The following EYS variants were observed in gnomAD, a reference collection of about 807,000 sequenced individuals.
EYS encodes protein eyes shut homolog.
In EYS, 250 loss-of-function variants were observed where a neutral mutation model predicts 282.1. The observed-to-expected ratio is 0.89, with a 90% CI of 0.80 to 0.98. The LOEUF is 0.98. Ranked by LOEUF, EYS falls within the 50% of genes least tolerant of loss-of-function variation. The probability of loss-of-function intolerance (pLI) is 0.00; values close to 1 mark genes in which losing one functional copy is unlikely to be tolerated. For missense variants in EYS, 4,016 were observed against 3,709.0 expected (o/e 1.08, Z -2.15); for synonymous variants, 1,355 against 1,282.9 (o/e 1.06, Z -1.20).
intron 29 of EYS, among the ~76,000 whole-genome samples, chr6:64,344,937 C>T (rs1008208924): frequency 1.3e-5 from 2 of 152,066 alleles, no homozygotes; most frequent in Non-Finnish European, 2.9e-5. Context: ...CATGAGTGAA[C>T]TCCCATTCAT....
rs574984236 is a variant in EYS, at chr6:64,543,780, G to C, written c.5644+46443C>G. On this transcript the variant is annotated intron_variant, in intron 26 of 42. Coordinates refer to ENST00000503581, the MANE Select transcript of EYS (RefSeq NM_001142800.2). The stretch of plus-strand genomic sequence containing the variant: ...ATTTATCAGTTTCCTATCCTGTGAT[G>C]TGAGAATAATAACAGGCATATCATA... Among the ~76,000 whole-genome samples, 5 of 152,268 alleles carry C rather than the reference G, an allele frequency of 3.3e-5. No individual in the cohort carries two copies. The East Asian group carries it at 9.6e-4, about 29-fold the overall frequency.
chr6:64,823,173 C>T (rs10498828), intron 19 of EYS, among the ~76,000 whole-genome samples: 25,115 of 151,464 alleles, frequency 0.17, 2,114 homozygotes, highest in Non-Finnish European at 0.19. Context: ...GAGAGTCAAA[C>T]GTTTATTACC....
At chr6:64,263,532 G>T (rs1309284551) in intron 30 of EYS, among the ~76,000 whole-genome samples, 5 of 151,982 alleles carry the variant, frequency 3.3e-5, no homozygotes, top group African/African-American at 1.2e-4. Flanking sequence ...ACATTTTAGA[G>T]GTGCTCTTTC....
chr6:65,272,812 A>G (rs1767940991), intron 12 of EYS, among the ~76,000 whole-genome samples: 2 of 152,184 alleles, frequency 1.3e-5, no homozygotes, highest in South Asian at 4.1e-4. Context: ...AAAGTATAAC[A>G]TATCTAAAAA....
At chr6:65,676,617 T>C (rs1768609928) in intron 1 of EYS, among the ~76,000 whole-genome samples, 1 of 151,842 alleles carries the variant, frequency 6.6e-6, no homozygotes, top group African/African-American at 2.4e-5. Context: ...AACTGGTGAA[T>C]TCTACCAAAT....
intron 12 of EYS, among the ~76,000 whole-genome samples, chr6:65,176,421 G>C (rs1765226249): frequency 6.6e-6 from 1 of 151,656 alleles, no homozygotes; most frequent in Admixed American, 6.6e-5. Flanking sequence ...GAAATAGCAA[G>C]ATAATTTAGT....
At chr6:65,698,582 A>T (rs2812774) in intron 1 of EYS, among the ~76,000 whole-genome samples, 2 of 151,934 alleles carry the variant, frequency 1.3e-5, no homozygotes, top group African/African-American at 4.8e-5. Flanking sequence ...GATTCTATCT[A>T]ACTCAGATGT....
At chr6:65,118,845 C>A in intron 12 of EYS, among the ~76,000 whole-genome samples, 2 of 147,830 alleles carry the variant, frequency 1.4e-5, no homozygotes, top group African/African-American at 2.5e-5. Context: ...GTTGAAATGA[C>A]TGCAAATAAA....
intron 12 of EYS, among the ~76,000 whole-genome samples, chr6:65,254,234 C>A (rs542998971): frequency 1.3e-5 from 2 of 151,824 alleles, no homozygotes; most frequent in South Asian, 4.1e-4. Flanking sequence ...ATATACAGAC[C>A]AGTGCACACA....
chr6:64,222,750 A>C (rs1766140201), intron 31 of EYS, among the ~76,000 whole-genome samples: 2 of 151,986 alleles, frequency 1.3e-5, no homozygotes, highest in Admixed American at 1.3e-4. Context: ...TATGAGTTGC[A>C]GTATCAGAAA....
At chr6:65,141,294 A>AGAACACATGGACACAGGAAGGG (rs1218417298) in intron 12 of EYS, among the ~76,000 whole-genome samples, 2 of 152,060 alleles carry the variant, frequency 1.3e-5, no homozygotes, top group Admixed American at 1.3e-4. Context: ...TTGAACAACG[A>AGAACACATGGACACAGGAAGGG]GAACACATGG....
At chr6:64,684,023 C>T (rs919678368) in intron 22 of EYS, among the ~76,000 whole-genome samples, 4 of 152,192 alleles carry the variant, frequency 2.6e-5, no homozygotes, top group Non-Finnish European at 4.4e-5. Context: ...GTTCAATAAA[C>T]CTGTGTTGCT....
chr6:65,563,411 T>A (rs1427416697), intron 2 of EYS, among the ~76,000 whole-genome samples: 1 of 152,120 alleles, frequency 6.6e-6, no homozygotes, highest in Admixed American at 6.6e-5. Flanking sequence ...ATGTTATATT[T>A]TTTATTTTTG....
At chr6:64,328,299 G>C (rs1770505291) in intron 29 of EYS, among the ~76,000 whole-genome samples, 1 of 152,160 alleles carries the variant, frequency 6.6e-6, no homozygotes, top group African/African-American at 2.4e-5. Flanking sequence ...TGCAGGTACA[G>C]GATATATCAG....
At chr6:64,157,857 TG>T (rs1774981154) in intron 31 of EYS, among the ~76,000 whole-genome samples, 1 of 152,218 alleles carries the variant, frequency 6.6e-6, no homozygotes, top group African/African-American at 2.4e-5. Flanking sequence ...AAGGGAAATG[TG>T]GGGTCGGAGC....
At position 65,432,452 on chromosome 6, in the gene EYS, G is replaced by GA. The variant is rs1447592181; in HGVS notation, c.863-27086dup. On this transcript the variant is annotated intron_variant, in intron 5 of 42. Transcript: ENST00000503581. ...TAATTTAGATGCAGACGAGTATTAC[G>GA]AAAAAAATGAAACAAAAGAGGGTGG... Among the ~76,000 whole-genome samples the GA allele has an allele frequency of 5.9e-5, 9 of 152,044 alleles. No individual in the cohort carries two copies. The East Asian group carries it at 9.7e-4, about 16-fold the overall frequency.
At chr6:64,198,137 C>A (rs949036748) in intron 31 of EYS, among the ~76,000 whole-genome samples, 1 of 151,218 alleles carries the variant, frequency 6.6e-6, no homozygotes, top group Admixed American at 6.6e-5. Flanking sequence ...GGACTACAGG[C>A]GCCCGCCACC....
chr6:65,217,235 AAC>A (rs773315171), intron 12 of EYS, among the ~76,000 whole-genome samples: 1 of 152,078 alleles, frequency 6.6e-6, no homozygotes, highest in Non-Finnish European at 1.5e-5. Context: ...TATCATTTTA[AAC>A]AGTCACTTAA....
chr6:65,224,153 A>G (rs548355156), intron 12 of EYS, among the ~76,000 whole-genome samples: 2 of 152,308 alleles, frequency 1.3e-5, no homozygotes, highest in South Asian at 4.1e-4. Flanking sequence ...CACATGGAAC[A>G]TCCTCTATGT....
Sources: allele counts gnomAD v4.1 joint callset (sites outside exome capture counted in the v4.1 genomes callset), GRCh38; gene constraint gnomAD v4.1.1; transcripts MANE v1.5; gene names NCBI Gene and HGNC (gene_info 2026-07-23, HGNC 2026-07-21).